The following ILDR2 variants were observed in gnomAD, a reference collection of about 807,000 sequenced individuals.
ILDR2 encodes the protein immunoglobulin like domain containing receptor 2.
Under a neutral mutation model 66.8 loss-of-function variants are expected in ILDR2, and 25 were observed. That is an observed-to-expected ratio of 0.37 (90% CI 0.27 to 0.52). The LOEUF is 0.52. ILDR2 is among the 20% of genes least tolerant of loss of function. ILDR2 has a pLI of 0.88. For synonymous variants in ILDR2, 367 were observed against 357.2 expected, an observed-to-expected ratio of 1.03 and a Z score of -0.31; for missense variants, 827 against 876.8, an observed-to-expected ratio of 0.94 and a Z score of 0.72.
intron 1 of ILDR2, among the ~76,000 whole-genome samples, 198 bp downstream of exon 1, chr1:166,975,019 TTCTCTC>T (rs59211434): frequency 2.1e-4 from 29 of 136,422 alleles, no homozygotes; most frequent in East Asian, 2.4e-4. Flanking sequence ...GCCCCCATCA[TTCTCTC>T]TCTCTCTCTC....
intron 1 of ILDR2, among the ~76,000 whole-genome samples, chr1:166,961,480 T>C (rs1046878377): frequency 6.6e-6 from 1 of 152,210 alleles, no homozygotes; most frequent in Non-Finnish European, 1.5e-5. Flanking sequence ...TGCCTTTTTA[T>C]AGCATGATAC....
rs2101905072 is a variant in ILDR2 at position 166,936,570 on chromosome 1, C to G, written c.703+21G>C. 6.2e-7 allele frequency: 1 copy of G among 1,614,036 alleles called. No homozygotes were observed. The highest frequency in any genetic ancestry group is 2.2e-5 in the East Asian group (1 of 44,872). On this transcript the variant is annotated intron_variant, in intron 5 of 9. Coordinates refer to ENST00000271417, the MANE Select transcript of ILDR2 (RefSeq NM_199351.3). This position sits in a 1 kb window ranked among gnomAD's most constrained non-coding sequence, Gnocchi z 5.0. ...ACATTTCTCTCGATCGCTCTGTCTC[C>G]CCAGCGGTCACTGTACTCACAGGCT...
rs56159640 is a variant in ILDR2, at chr1:166,975,034, T to A, written c.46+189A>T. On this transcript the variant is annotated intron_variant, in intron 1 of 9. Transcript: ENST00000271417. ...GCCCCCATCATTCTCTCTCTCTCTC[T>A]CTCACACACACACACACAAACACAT... 1.5e-3 allele frequency among the ~76,000 whole-genome samples: 174 copies of A among 118,234 alleles called. 1 individual carries two copies. The highest frequency in any genetic ancestry group is 0.01 in the Middle Eastern group (2 of 200). 77.6% of individuals were successfully genotyped at this position (118,234 alleles called of 152,430 possible). A position where few individuals can be genotyped will look rare whatever the true frequency, so the allele number is the denominator to read the frequency against.
intron 2 of ILDR2, among the ~76,000 whole-genome samples, chr1:166,902,819 C>T (rs1234716123): frequency 6.6e-6 from 1 of 152,200 alleles, no homozygotes; most frequent in Non-Finnish European, 1.5e-5. Context: ...TCCTATCCTA[C>T]CCTGCACTTC....
At chr1:166,904,803 G>A (rs1198886109), downstream of ILDR2, among the ~76,000 whole-genome samples, 1 of 152,114 alleles carries the variant, frequency 6.6e-6, no homozygotes, top group Admixed American at 6.5e-5. Context: ...GAGAGAGTCT[G>A]TGCAACATGG....
intron 3 of ILDR2, among the ~76,000 whole-genome samples, chr1:166,945,150 A>G (rs571301502): frequency 1.3e-5 from 2 of 152,166 alleles, no homozygotes; most frequent in Admixed American, 6.5e-5. Context: ...ATTATTCTAT[A>G]TACTGCACAA....
intron 1 of ILDR2, among the ~76,000 whole-genome samples, chr1:166,969,207 TG>T (rs1310025291): frequency 6.6e-5 from 10 of 152,128 alleles, no homozygotes; most frequent in African/African-American, 2.2e-4. Context: ...CGCTGCCTCC[TG>T]GTGAGGCAAG....
rs1221921441 is a variant in ILDR2, at chr1:166,911,494, T to C, written c.*7861A>G. The C allele has an allele frequency of 1.3e-5, 2 of 151,822 alleles. No homozygotes were observed. The highest frequency in any genetic ancestry group is 4.8e-5 in the African/African-American group (2 of 41,336). 9.4% of individuals were successfully genotyped at this position (151,822 alleles called of 1,614,324 possible). On this transcript the variant is annotated 3_prime_UTR_variant, in exon 10 of 10. Coordinates refer to ENST00000271417, the MANE Select transcript of ILDR2 (RefSeq NM_199351.3). Reference sequence around the variant, plus strand: ...CATTGCACCACACATGAGCTTAAAATAAAAAACTATAAAACCCATAAAGAA... The same window carrying C: ...CATTGCACCACACATGAGCTTAAAACAAAAAACTATAAAACCCATAAAGAA...
chr1:166,931,958 T>C (rs2014854), intron 6 of ILDR2, among the ~76,000 whole-genome samples: 69,432 of 151,952 alleles, frequency 0.46, 16,093 homozygotes, highest in East Asian at 0.68. Flanking sequence ...GGATATACGG[T>C]ATTGAGGAGC....
At chr1:166,958,242 T>C (rs1662398296) in intron 1 of ILDR2, 141 bp from the exon 2 acceptor site, 3 of 691,546 alleles carry the variant, frequency 4.3e-6, no homozygotes, top group Non-Finnish European at 7.3e-6. Context: ...ATGGCATTAA[T>C]ATCCATCTGG....
chr1:166,956,629 A>C (rs1662299087), intron 3 of ILDR2, 104 bp downstream of exon 3: 1 of 1,282,018 alleles, frequency 7.8e-7, no homozygotes, highest in African/African-American at 1.5e-5. Context: ...AAGACTGTGT[A>C]TGCAACCTGC....
At chr1:166,904,972 G>T (rs1659316311), downstream of ILDR2, among the ~76,000 whole-genome samples, 1 of 152,134 alleles carries the variant, frequency 6.6e-6, no homozygotes, top group Admixed American at 6.5e-5. Context: ...ATCCCTTTGT[G>T]CTAGGTAACA....
At position 166,914,233 on chromosome 1, in the gene ILDR2, T is replaced by C. The variant is rs767919154; in HGVS notation, c.*5122A>G. ...GCTTAGTTGGATGAAGCAGCAACAG[T>C]ATCTGTCTTCATGGCTTCGCCACAT... is the stretch of plus-strand genomic sequence containing the variant. On this transcript the variant is annotated 3_prime_UTR_variant, in exon 10 of 10. Coordinates refer to ENST00000271417, the MANE Select transcript of ILDR2 (RefSeq NM_199351.3). 6 of 152,236 alleles carry C rather than the reference T, an allele frequency of 3.9e-5. No homozygotes were observed. Among genetic ancestry groups the C allele is most frequent in the Non-Finnish European group, 7.3e-5 (5 of 68,058 alleles). The allele number at this position is 152,236 out of a possible 1,614,324, so 9.4% of individuals were successfully genotyped here.
At chr1:166,957,505 G>A (rs180803110) in intron 2 of ILDR2, among the ~76,000 whole-genome samples, 1 of 152,286 alleles carries the variant, frequency 6.6e-6, no homozygotes, top group East Asian at 1.9e-4. Flanking sequence ...ACAAGCTCCT[G>A]AGGCTTGATG....
intron 2 of ILDR2, among the ~76,000 whole-genome samples, chr1:166,898,893 TA>T (rs36031893): frequency 2.8e-3 from 381 of 137,434 alleles, no homozygotes; most frequent in Non-Finnish European, 2.5e-3. Context: ...GATCCCATCT[TA>T]AAAAAAAAAA....
At chr1:166,952,561 A>G (rs1662042553) in intron 3 of ILDR2, among the ~76,000 whole-genome samples, 1 of 152,176 alleles carries the variant, frequency 6.6e-6, no homozygotes, top group Admixed American at 6.5e-5. Context: ...ATCCATAGCG[A>G]TTTGTGGATG....
At chr1:166,964,051 G>C (rs578206797) in intron 1 of ILDR2, among the ~76,000 whole-genome samples, 1 of 151,928 alleles carries the variant, frequency 6.6e-6, no homozygotes, top group South Asian at 2.1e-4. Flanking sequence ...TTAGGAGAGA[G>C]AGCAAGAGAG....
At chr1:166,925,581 T>C (rs1405608197) in intron 7 of ILDR2, among the ~76,000 whole-genome samples, 1 of 152,144 alleles carries the variant, frequency 6.6e-6, no homozygotes, top group Non-Finnish European at 1.5e-5. Context: ...CATGGAGCCA[T>C]CCACAGTTTG....
intron 3 of ILDR2, among the ~76,000 whole-genome samples, chr1:166,946,641 G>C (rs1310806520): frequency 3.9e-5 from 6 of 152,156 alleles, no homozygotes; most frequent in Admixed American, 2.6e-4. Flanking sequence ...CTGAGGCTCT[G>C]AGAGGTTAAG....
Sources: allele counts gnomAD v4.1 joint callset (sites outside exome capture counted in the v4.1 genomes callset), GRCh38; gene constraint gnomAD v4.1.1; non-coding constraint Gnocchi (gnomAD v3.1); transcripts MANE v1.5; gene names NCBI Gene and HGNC (gene_info 2026-07-23, HGNC 2026-07-21).